Variants in TOMM20 observed in about 807,000 individuals in gnomAD.
TOMM20 encodes the protein mitochondrial import receptor subunit TOM20 homolog.
A neutral mutation model predicts 22.1 loss-of-function variants in TOMM20; 10 were observed. The ratio of observed to expected loss-of-function variants is 0.45; its 90% CI spans 0.28 to 0.77. The LOEUF is 0.77. Among genes scored for constraint, TOMM20 ranks in the 30% least tolerant of loss-of-function variants. The probability of loss-of-function intolerance (pLI) is 0.13; values close to 1 mark genes in which losing one functional copy is unlikely to be tolerated. For synonymous variants in TOMM20, 55 were observed against 61.4 expected, an observed-to-expected ratio of 0.90 and a Z score of 0.49; for missense variants, 121 against 172.2, an observed-to-expected ratio of 0.70 and a Z score of 1.66.
chr1:235,128,468 C>T (rs1013931170), intron 1 of TOMM20, 127 bp downstream of exon 1: 119 of 1,443,484 alleles, frequency 8.2e-5, no homozygotes, highest in Non-Finnish European at 1.1e-4. Flanking sequence ...AGCGCCATCG[C>T]CTATTGAGGG....
chr1:235,127,417 A>G (rs1161340525), intron 1 of TOMM20, among the ~76,000 whole-genome samples: 2 of 152,194 alleles, frequency 1.3e-5, no homozygotes, highest in Non-Finnish European at 2.9e-5. Flanking sequence ...TCATAAATCA[A>G]ATTATGTCTA....
rs1465430283 is a variant in TOMM20 at position 235,128,698 on chromosome 1, G to A, written c.18C>T (p.Ser6=). 5.6e-6 allele frequency: 9 copies of A among 1,614,010 alleles called. No individual in the cohort carries two copies. The South Asian group carries it at 7.7e-5, about 14-fold the overall frequency. ...CCCCGCATACACCGGCGGCGATGGC[G>A]CTGTTCCGACCCACCATCTTCTCTA... MVGRN[S]AIAAGVCGAL... Residue 6 remains serine, a synonymous_variant, in exon 1 of 5, where the codon AGC becomes AGT. Coordinates refer to ENST00000366607, the MANE Select transcript of TOMM20 (RefSeq NM_014765.3).
At position 235,111,670 on chromosome 1, in the gene TOMM20, T is replaced by C. The variant is rs1366530845; in HGVS notation, c.*394A>G. The stretch of plus-strand genomic sequence containing the variant: ...TCAAATTTCCAGATTTACAGCAAAA[T>C]GTGCCCTCTAAAAAAGTGTACATTC... On this transcript the variant is annotated 3_prime_UTR_variant, in exon 5 of 5. Transcript: ENST00000366607. 2 of 161,080 alleles carry C rather than the reference T, an allele frequency of 1.2e-5. No homozygotes were observed. The highest frequency in any genetic ancestry group is 4.8e-5 in the African/African-American group (2 of 41,494). 10.0% of individuals were successfully genotyped at this position (161,080 alleles called of 1,614,324 possible).
rs1660724186 is a variant in TOMM20, at chr1:235,110,614, G to C, written c.*1450C>G. ...AGAGGTAAGTTCAAAGATGAAATGT[G>C]ATTTGTTCAAGGCTGTGCGGCTAAT... On this transcript the variant is annotated 3_prime_UTR_variant, in exon 5 of 5. Coordinates refer to ENST00000366607, the MANE Select transcript of TOMM20 (RefSeq NM_014765.3). 1 of 152,144 alleles carries C rather than the reference G, an allele frequency of 6.6e-6. No individual in the cohort carries two copies. Among genetic ancestry groups the C allele is most frequent in the African/African-American group, 2.4e-5 (1 of 41,414 alleles). 9.4% of individuals were successfully genotyped at this position (152,144 alleles called of 1,614,324 possible).
intron 1 of TOMM20, among the ~76,000 whole-genome samples, chr1:235,125,827 G>A (rs1376558641): frequency 6.7e-6 from 1 of 150,346 alleles, no homozygotes; most frequent in East Asian, 2.0e-4. Context: ...TCGGCTCACT[G>A]CAACCTCAGC....
At chr1:235,117,134 CAAAAAAAAAAAAAAAAAA>C (rs869235889) in intron 3 of TOMM20, among the ~76,000 whole-genome samples, 36 of 30,390 alleles carry the variant, frequency 1.2e-3, no homozygotes, top group African/African-American at 1.7e-3. Flanking sequence ...GACTCCATCT[CAAAAAAAAAAAAAAAAAA>C]AAAAAAAAAA....
At chr1:235,114,219 C>G (rs143385588) in intron 3 of TOMM20, among the ~76,000 whole-genome samples, 1 of 152,054 alleles carries the variant, frequency 6.6e-6, no homozygotes, top group African/African-American at 2.4e-5. Context: ...TGCTAACAAT[C>G]GCATAGTACT....
At chr1:235,122,498 T>C in intron 1 of TOMM20, 126 bp from the exon 2 acceptor site, 2 of 820,360 alleles carry the variant, frequency 2.4e-6, no homozygotes, top group Non-Finnish European at 3.9e-6. Context: ...AATCTATCCC[T>C]CCCTGTGATC....
intron 4 of TOMM20, 53 bp downstream of exon 4, chr1:235,113,715 C>A: frequency 1.3e-6 from 2 of 1,551,106 alleles, no homozygotes; most frequent in South Asian, 1.2e-5. Flanking sequence ...TGTCCCTAAT[C>A]ATTCGATTCT....
intron 1 of TOMM20, chr1:235,128,001 C>A (rs981230257): frequency 2.2e-6 from 1 of 451,786 alleles, no homozygotes; most frequent in Admixed American, 2.5e-5. Context: ...CACGGTGAAA[C>A]CCCGTCTCTA....
chr1:235,120,963 A>T (rs1323864774), intron 2 of TOMM20, among the ~76,000 whole-genome samples: 2 of 151,686 alleles, frequency 1.3e-5, no homozygotes, highest in Non-Finnish European at 2.9e-5. Context: ...GCACATTGGG[A>T]GTCCAAGGCG....
intron 1 of TOMM20, among the ~76,000 whole-genome samples, chr1:235,125,696 C>T (rs1661004335): frequency 6.7e-6 from 1 of 149,550 alleles, no homozygotes; most frequent in Non-Finnish European, 1.5e-5. Context: ...TCCACAAAGG[C>T]AAAATACCCC....
At chr1:235,116,476 T>C (rs1041305875) in intron 3 of TOMM20, among the ~76,000 whole-genome samples, 10 of 151,666 alleles carry the variant, frequency 6.6e-5, no homozygotes, top group African/African-American at 2.4e-4. Context: ...AAGACGGAAG[T>C]TGCAGTGAGC....
intron 2 of TOMM20, among the ~76,000 whole-genome samples, chr1:235,120,912 A>C (rs960841152): frequency 5.3e-5 from 8 of 150,736 alleles, no homozygotes; most frequent in Non-Finnish European, 1.2e-4. Flanking sequence ...GAAAACCTGA[A>C]CTTCAGTAGC....
chr1:235,115,909 G>A (rs544102078), intron 3 of TOMM20, among the ~76,000 whole-genome samples: 15 of 152,190 alleles, frequency 9.9e-5, no homozygotes, highest in East Asian at 5.8e-4. Flanking sequence ...TCTCCTATAC[G>A]CAACCCACTA....
rs1660697348 is a variant in TOMM20, at chr1:235,109,362, T to G, written c.*2702A>C. The G allele has an allele frequency of 6.6e-6, 1 of 152,252 alleles. No homozygotes were observed. Among genetic ancestry groups the G allele is most frequent in the Admixed American group, 6.5e-5 (1 of 15,282 alleles). The allele number at this position is 152,252 out of a possible 1,614,324, so 9.4% of individuals were successfully genotyped here. ...AAAGTTTTCTCCAAGCCCTTTAATA[T>G]TCACTTAAACAGTTGAGGCACAAGC... is the stretch of plus-strand genomic sequence containing the variant. On this transcript the variant is annotated 3_prime_UTR_variant, in exon 5 of 5. Coordinates refer to ENST00000366607, the MANE Select transcript of TOMM20 (RefSeq NM_014765.3).
intron 3 of TOMM20, among the ~76,000 whole-genome samples, chr1:235,118,412 A>G (rs184272900): frequency 6.2e-4 from 95 of 152,352 alleles, no homozygotes; most frequent in African/African-American, 1.3e-3. Flanking sequence ...CCTTTCCCCA[A>G]TGCCTGGGTC....
chr1:235,117,274 G>A, intron 3 of TOMM20, among the ~76,000 whole-genome samples: 1 of 150,386 alleles, frequency 6.6e-6, no homozygotes, highest in Non-Finnish European at 1.5e-5. Context: ...TGACCAACAT[G>A]GTGAAACCCA....
chr1:235,127,925 T>A (rs374582147), intron 1 of TOMM20: 30 of 518,448 alleles, frequency 5.8e-5, no homozygotes, highest in African/African-American at 5.0e-4. Flanking sequence ...ACCAAGAGGG[T>A]TTAAGAATGC....
Sources: gnomAD v4.1 joint callset for allele counts (sites outside exome capture counted in the v4.1 genomes callset) on GRCh38, gnomAD v4.1.1 for gene constraint, MANE v1.5 for transcripts, NCBI Gene and HGNC (gene_info 2026-07-23, HGNC 2026-07-21) for gene names.